The following BMPR1B variants were observed in gnomAD, a reference collection of about 807,000 sequenced individuals.
The protein encoded by BMPR1B is bone morphogenetic protein receptor type 1B.
In BMPR1B, 12 loss-of-function variants were observed where a neutral mutation model predicts 59.1. The observed-to-expected ratio is 0.20, with a 90% CI of 0.13 to 0.33. BMPR1B has a LOEUF of 0.33. Among genes scored for constraint, BMPR1B ranks in the 10% least tolerant of loss-of-function variants. The probability of loss-of-function intolerance (pLI) is 1.00; values close to 1 mark genes in which losing one functional copy is unlikely to be tolerated. For missense variants in BMPR1B, 550 were observed against 610.9 expected, an observed-to-expected ratio of 0.90 and a Z score of 1.05; for synonymous variants, 237 against 207.3, an observed-to-expected ratio of 1.14 and a Z score of -1.23.
At chr4:94,786,182 T>C (rs1722756812) in intron 1 of BMPR1B, among the ~76,000 whole-genome samples, 2 of 152,206 alleles carry the variant, frequency 1.3e-5, no homozygotes, top group Non-Finnish European at 2.9e-5. Context: ...GCATGGAATA[T>C]AAGGTTCTGC....
At position 94,934,471 on chromosome 4, in the gene BMPR1B, T is replaced by TTTTTC. The variant is rs1553919637; in HGVS notation, c.-113+58571_-113+58572insTTTTC. 5.3e-5 allele frequency among the ~76,000 whole-genome samples: 8 copies of TTTTTC among 150,406 alleles called. No homozygotes were observed. In the East Asian group the frequency reaches 1.2e-3, roughly 22 times the overall value. ...AGCTATGGTTTTTTTTTTTTTTTTTTCTCCTCCTTCATTCCTAATTTCTCT... is the reference window on the plus strand; with the variant it reads ...AGCTATGGTTTTTTTTTTTTTTTTTTTTTTCCTCCTCCTTCATTCCTAATTTCTCT... On this transcript the variant is annotated intron_variant, in intron 2 of 12. Transcript: ENST00000515059.
At chr4:94,860,213 A>G (rs1239626016) in intron 1 of BMPR1B, among the ~76,000 whole-genome samples, 3 of 152,200 alleles carry the variant, frequency 2.0e-5, no homozygotes, top group Non-Finnish European at 4.4e-5. Context: ...AGATTCTTTC[A>G]CTAATGGGAA....
At chr4:94,810,872 G>A (rs924839695) in intron 1 of BMPR1B, among the ~76,000 whole-genome samples, 20 of 152,130 alleles carry the variant, frequency 1.3e-4, no homozygotes, top group African/African-American at 4.6e-4. Flanking sequence ...CTTTAAAGAA[G>A]GGATCAAGCG....
intron 3 of BMPR1B, among the ~76,000 whole-genome samples, chr4:95,053,456 T>C (rs1404480806): frequency 6.6e-6 from 1 of 152,186 alleles, no homozygotes; most frequent in African/African-American, 2.4e-5. Context: ...TGAATTATCT[T>C]ATTGTTGTCT....
chr4:94,870,453 G>GC (rs1726442337), intron 1 of BMPR1B, among the ~76,000 whole-genome samples: 1 of 147,152 alleles, frequency 6.8e-6, no homozygotes, highest in Non-Finnish European at 1.5e-5. Flanking sequence ...GCCATGTGAT[G>GC]GTTATGGAGT....
chr4:94,822,776 G>T (rs1724252265), intron 1 of BMPR1B, among the ~76,000 whole-genome samples: 1 of 152,152 alleles, frequency 6.6e-6, no homozygotes, highest in South Asian at 2.1e-4. Flanking sequence ...GCATCTGAGC[G>T]ATCTGTTTGC....
rs1029707695 is a variant in BMPR1B, at chr4:94,848,342, G to A, written c.-182-27489G>A. 2.0e-5 allele frequency among the ~76,000 whole-genome samples: 3 copies of A among 152,154 alleles called. No homozygotes were observed. The South Asian group carries it at 6.2e-4, about 32-fold the overall frequency. On this transcript the variant is annotated intron_variant, in intron 1 of 12. Transcript: ENST00000515059. Reference sequence around the variant, plus strand: ...CAGAACTGCAAATGGGGGATAAATGGTTATTTTAAGGAATTAATCACTGCT... The same window carrying A: ...CAGAACTGCAAATGGGGGATAAATGATTATTTTAAGGAATTAATCACTGCT...
intron 2 of BMPR1B, among the ~76,000 whole-genome samples, chr4:94,888,397 A>C (rs1727263407): frequency 1.3e-5 from 2 of 151,886 alleles, no homozygotes; most frequent in South Asian, 4.1e-4. Flanking sequence ...GAAAATAGAA[A>C]AAGATCTTTG....
At chr4:95,111,105 A>C (rs1731598069) in intron 4 of BMPR1B, among the ~76,000 whole-genome samples, 2 of 152,164 alleles carry the variant, frequency 1.3e-5, no homozygotes, top group Non-Finnish European at 2.9e-5. Flanking sequence ...GAAATTTAAG[A>C]GTTGTTGTAG....
At position 94,948,171 on chromosome 4, in the gene BMPR1B, C is replaced by T. The variant is rs1250975803; in HGVS notation, c.-112-47869C>T. ...TCCTGGTCATAGCTTAATTCACCAT[C>T]GTGACAGGTACTTGCCTTTCTCTAA... On this transcript the variant is annotated intron_variant, in intron 2 of 12. Transcript: ENST00000515059. Among the ~76,000 whole-genome samples the T allele has an allele frequency of 6.6e-5, 10 of 152,182 alleles. 1 individual carries two copies. The highest frequency in any genetic ancestry group is 2.4e-4 in the African/African-American group (10 of 41,456).
At chr4:95,092,868 T>C (rs1488861990) in intron 3 of BMPR1B, among the ~76,000 whole-genome samples, 2 of 152,104 alleles carry the variant, frequency 1.3e-5, no homozygotes, top group African/African-American at 4.8e-5. Flanking sequence ...TGCAGAGTAA[T>C]TTTTGGTGTG....
At chr4:94,878,952 G>A (rs1260700106) in intron 2 of BMPR1B, among the ~76,000 whole-genome samples, 2 of 151,982 alleles carry the variant, frequency 1.3e-5, no homozygotes, top group African/African-American at 4.8e-5. Flanking sequence ...TGAATTTAAT[G>A]AAGTATAGCA....
At chr4:94,839,227 G>A (rs1352028305) in intron 1 of BMPR1B, among the ~76,000 whole-genome samples, 2 of 129,636 alleles carry the variant, frequency 1.5e-5, no homozygotes, top group African/African-American at 2.9e-5. Flanking sequence ...TGAAAAAAAT[G>A]TATATTCTGT....
chr4:94,821,514 G>C (rs1466668292), intron 1 of BMPR1B, among the ~76,000 whole-genome samples: 1 of 151,842 alleles, frequency 6.6e-6, no homozygotes, highest in South Asian at 2.1e-4. Flanking sequence ...AAAAGAGTTA[G>C]GTTTGGCTTA....
intron 2 of BMPR1B, among the ~76,000 whole-genome samples, chr4:94,877,080 T>C (rs1726759496): frequency 6.6e-6 from 1 of 152,108 alleles, no homozygotes; most frequent in Non-Finnish European, 1.5e-5. Context: ...CTAAGTGTTG[T>C]GAGGTTAAAT....
intron 1 of BMPR1B, among the ~76,000 whole-genome samples, chr4:94,819,458 A>G (rs1724126558): frequency 6.6e-6 from 1 of 152,044 alleles, no homozygotes; most frequent in Admixed American, 6.6e-5. Context: ...TTTTCACAGG[A>G]GTTTTGATGG....
chr4:94,869,695 G>A (rs1726402327), intron 1 of BMPR1B, among the ~76,000 whole-genome samples: 1 of 152,072 alleles, frequency 6.6e-6, no homozygotes, highest in Non-Finnish European at 1.5e-5. Context: ...GTGTTTCTAA[G>A]TATGCATAGT....
chr4:95,007,823 G>T (rs959639698), intron 3 of BMPR1B, among the ~76,000 whole-genome samples: 15 of 152,106 alleles, frequency 9.9e-5, no homozygotes, highest in Non-Finnish European at 2.1e-4. Context: ...AAAATATAAA[G>T]AAATAAATAC....
intron 1 of BMPR1B, among the ~76,000 whole-genome samples, chr4:94,808,265 C>T (rs1723685493): frequency 6.6e-6 from 1 of 151,998 alleles, no homozygotes; most frequent in Non-Finnish European, 1.5e-5. Context: ...GAAAAATTAC[C>T]CATGGCCCCA....
Sources: allele counts gnomAD v4.1 joint callset (sites outside exome capture counted in the v4.1 genomes callset), GRCh38; gene constraint gnomAD v4.1.1; transcripts MANE v1.5; gene names NCBI Gene and HGNC (gene_info 2026-07-23, HGNC 2026-07-21).